The following JARID2 variants were observed in gnomAD, a reference collection of about 807,000 sequenced individuals.
The protein encoded by JARID2 is jumonji and AT-rich interaction domain containing 2, also known as protein Jumonji.
In JARID2, 21 loss-of-function variants were observed where a neutral mutation model predicts 125.6. The observed-to-expected ratio is 0.17, with a 90% confidence interval of 0.12 to 0.24. JARID2 has a LOEUF of 0.24. Among genes scored for constraint, JARID2 ranks in the 10% least tolerant of loss-of-function variants. The probability of loss-of-function intolerance (pLI) is 1.00; values close to 1 mark genes in which losing one functional copy is unlikely to be tolerated. For missense variants in JARID2, 1,303 were observed against 1,639.6 expected (o/e 0.79, Z 3.55); for synonymous variants, 736 against 661.6 (o/e 1.11, Z -1.73).
intron 9 of JARID2, among the ~76,000 whole-genome samples, chr6:15,505,881 CGGA>C (rs1220990419): frequency 6.6e-6 from 1 of 152,210 alleles, no homozygotes; most frequent in Non-Finnish European, 1.5e-5. Context: ...AGATGTCAGG[CGGA>C]GGACACTTGG....
intron 6 of JARID2, among the ~76,000 whole-genome samples, chr6:15,489,458 G>A (rs146532010): frequency 1.3e-5 from 2 of 152,322 alleles, no homozygotes; most frequent in African/African-American, 4.8e-5. Flanking sequence ...GTCACGAATA[G>A]GGATGCGTGG....
chr6:15,504,983 A>AT (rs1770928800), intron 9 of JARID2, among the ~76,000 whole-genome samples: 1 of 152,086 alleles, frequency 6.6e-6, no homozygotes, highest in South Asian at 2.1e-4. Flanking sequence ...CTTCTCTTCT[A>AT]TTTTTTATTT....
chr6:15,502,189 C>T (rs927799901), intron 8 of JARID2, among the ~76,000 whole-genome samples: 1 of 152,252 alleles, frequency 6.6e-6, no homozygotes, highest in African/African-American at 2.4e-5. Flanking sequence ...AGACTCGCCC[C>T]TCCAAGAAGC....
chr6:15,372,891 T>A (rs1041308070), intron 1 of JARID2, among the ~76,000 whole-genome samples: 1 of 152,030 alleles, frequency 6.6e-6, no homozygotes, highest in Non-Finnish European at 1.5e-5. Context: ...GTATTTTTAG[T>A]AGAGATGGGA....
intron 1 of JARID2, among the ~76,000 whole-genome samples, chr6:15,340,914 CTT>C (rs1320414246): frequency 5.9e-5 from 9 of 152,244 alleles, no homozygotes; most frequent in Admixed American, 5.2e-4. Flanking sequence ...AGGGATGAGT[CTT>C]TCTCTGCATA....
intron 7 of JARID2, among the ~76,000 whole-genome samples, chr6:15,498,470 G>A (rs1173912933): frequency 6.6e-6 from 1 of 152,108 alleles, no homozygotes; most frequent in African/African-American, 2.4e-5. Flanking sequence ...GGATGAACTT[G>A]CCTTGTTAAG....
Position 15,269,493 on chromosome 6 carries a change from C to T in JARID2, c.45+22909C>T, listed in dbSNP as rs189403047. Among the ~76,000 whole-genome samples, 638 of 152,154 alleles carry T rather than the reference C, an allele frequency of 4.2e-3. 5 individuals are homozygous for T. Among genetic ancestry groups the T allele is most frequent in the Middle Eastern group, 0.014 (4 of 294 alleles). On this transcript the variant is annotated intron_variant, in intron 1 of 17. Transcript: ENST00000341776. ...CCTCCTGCCTTCCCTGCCCCACCCC[C>T]TAGTAGCTGGGACCACAGGTGCATG...
chr6:15,425,108 G>A (rs555343714), intron 3 of JARID2, among the ~76,000 whole-genome samples: 1 of 152,178 alleles, frequency 6.6e-6, no homozygotes. Flanking sequence ...AGTAAATGAT[G>A]TCTGCTCACC....
chr6:15,339,039 A>G (rs1200294449), intron 1 of JARID2, among the ~76,000 whole-genome samples: 1 of 152,190 alleles, frequency 6.6e-6, no homozygotes, highest in Non-Finnish European at 1.5e-5. Flanking sequence ...CGTCACATAC[A>G]GCATCAGGGA....
chr6:15,283,195 G>A (rs538638524), intron 1 of JARID2, among the ~76,000 whole-genome samples: 40 of 148,280 alleles, frequency 2.7e-4, no homozygotes, highest in Admixed American at 5.4e-4. Flanking sequence ...AGCCAGGACG[G>A]TCTCGATCTG....
intron 6 of JARID2, among the ~76,000 whole-genome samples, chr6:15,493,067 A>C (rs115321293): frequency 1.9e-3 from 283 of 152,050 alleles, no homozygotes; most frequent in African/African-American, 6.2e-3. Context: ...CTGTGTTGAA[A>C]ATTTACTTCC....
At chr6:15,295,644 T>C (rs769135033) in intron 1 of JARID2, among the ~76,000 whole-genome samples, 6 of 152,132 alleles carry the variant, frequency 3.9e-5, no homozygotes, top group Non-Finnish European at 8.8e-5. Flanking sequence ...GAATAGGCCC[T>C]TTGCCACTTA....
intron 1 of JARID2, among the ~76,000 whole-genome samples, chr6:15,364,457 A>G (rs1004146287): frequency 6.6e-6 from 1 of 152,210 alleles, no homozygotes; most frequent in African/African-American, 2.4e-5. Flanking sequence ...AAGGCTTTGC[A>G]GACAGACTTT....
chr6:15,250,550 T>C (rs983445331), intron 1 of JARID2, among the ~76,000 whole-genome samples: 1 of 152,200 alleles, frequency 6.6e-6, no homozygotes. Flanking sequence ...AGGGACAGTA[T>C]GGAAGGAAGA....
rs145503588 is a variant in JARID2, at chr6:15,509,901, G to A, written c.2847-1395G>A. Among the ~76,000 whole-genome samples the A allele has an allele frequency of 2.5e-3, 380 of 152,212 alleles. 1 individual carries two copies. The highest frequency in any genetic ancestry group is 8.9e-3 in the African/African-American group (368 of 41,440). On this transcript the variant is annotated intron_variant, in intron 12 of 17. Transcript: ENST00000341776. ...AGGGATAGGATCAGAGAACATGATG[G>A]TGTGTAGTTTTTCTTAAAACATGTG...
chr6:15,510,947 G>A (rs956144593), intron 12 of JARID2, among the ~76,000 whole-genome samples: 17 of 152,250 alleles, frequency 1.1e-4, no homozygotes, highest in Admixed American at 1.0e-3. Context: ...GAAGAGGCTC[G>A]TGGAGGCCGC....
chr6:15,504,447 C>A, intron 8 of JARID2, 53 bp from the exon 9 acceptor site: 1 of 1,360,588 alleles, frequency 7.3e-7, no homozygotes, highest in Non-Finnish European at 1.1e-6. Context: ...GCCTCATTTG[C>A]AGTAGGGTTC....
chr6:15,476,726 A>G (rs1184255629), intron 5 of JARID2, among the ~76,000 whole-genome samples: 2 of 152,242 alleles, frequency 1.3e-5, no homozygotes, highest in East Asian at 3.8e-4. Flanking sequence ...ACTCTTCCAT[A>G]TACAGAATCT....
intron 5 of JARID2, among the ~76,000 whole-genome samples, chr6:15,483,824 A>G (rs1023825561): frequency 2.0e-5 from 3 of 152,298 alleles, no homozygotes; most frequent in South Asian, 4.1e-4. Flanking sequence ...TTGAGGAGCT[A>G]TCTGAAAAGG....
Sources: allele counts gnomAD v4.1 joint callset (sites outside exome capture counted in the v4.1 genomes callset), GRCh38; gene constraint gnomAD v4.1.1; transcripts MANE v1.5; gene names NCBI Gene and HGNC (gene_info 2026-07-23, HGNC 2026-07-21).